Variants in WDR49 observed in about 807,000 individuals in gnomAD.
The protein encoded by WDR49 is cilia- and flagella-associated protein 337.
WDR49 carries 107 observed loss-of-function variants against 119.5 expected under a neutral mutation model. The ratio of observed to expected loss-of-function variants is 0.90; its 90% CI spans 0.77 to 1.05. The LOEUF (loss-of-function observed/expected upper bound fraction) is 1.05. Among genes scored for constraint, WDR49 ranks in the 50% least tolerant of loss-of-function variants. The pLI is 0.00. For synonymous variants in WDR49, 425 were observed against 418.8 expected (o/e 1.01, Z -0.18); for missense variants, 1,240 against 1,220.5 (o/e 1.02, Z -0.24).
intron 8 of WDR49, chr3:167,566,982 G>A: frequency 3.6e-6 from 2 of 549,794 alleles, no homozygotes; most frequent in South Asian, 2.6e-5. Context: ...GGAGGCAGGA[G>A]GTCAGGAGAG....
rs200695837 is a variant in WDR49 at position 167,536,872 on chromosome 3, G to A, written c.1952C>T (p.Thr651Met). ...TGTCAAGTGAAAGTTCAATTTACCCGTAACAAGAGTTTGTGGAGGTAAAAA... is the reference window on the plus strand; with the variant it reads ...TGTCAAGTGAAAGTTCAATTTACCCATAACAAGAGTTTGTGGAGGTAAAAA... ...AAFLPPQTLV[T>M]GSYDGEIVLW... Residue 651 changes from threonine to methionine, a missense_variant and splice_region_variant, in exon 11 of 19, where the codon ACG becomes ATG. Transcript: ENST00000682715. The A allele has an allele frequency of 1.7e-5, 26 of 1,491,142 alleles. No individual in the cohort carries two copies. In the African/African-American group the frequency reaches 2.3e-4, roughly 13 times the overall value. The allele number at this position is 1,491,142 out of a possible 1,614,324, so 92.4% of individuals were successfully genotyped here. A position where few individuals can be genotyped will look rare whatever the true frequency, so the allele number is the denominator to read the frequency against.
intron 16 of WDR49, among the ~76,000 whole-genome samples, chr3:167,506,790 C>T (rs1751786087): frequency 6.6e-6 from 1 of 151,568 alleles, no homozygotes; most frequent in Non-Finnish European, 1.5e-5. Context: ...TGTCTAACTC[C>T]TTAGCCTCTG....
At chr3:167,655,586 T>C (rs1401847289), upstream of WDR49, among the ~76,000 whole-genome samples, 1 of 152,052 alleles carries the variant, frequency 6.6e-6, no homozygotes, top group Non-Finnish European at 1.5e-5. Flanking sequence ...TCATTATTCT[T>C]TCAAAAAAAA....
intron 5 of WDR49, 35 bp from the exon 6 acceptor site, chr3:167,604,503 A>G (rs1214884565): frequency 1.5e-5 from 23 of 1,533,458 alleles, no homozygotes; most frequent in Non-Finnish European, 1.9e-5. Flanking sequence ...AACAATCTTT[A>G]GTTGATTCTT....
intron 10 of WDR49, among the ~76,000 whole-genome samples, chr3:167,545,857 T>C (rs773834245): frequency 6.7e-5 from 10 of 149,572 alleles, no homozygotes; most frequent in Non-Finnish European, 1.3e-4. Flanking sequence ...CCCAAAACTA[T>C]TGAAATAAAA....
chr3:167,560,782 A>G (rs990462521), intron 8 of WDR49, among the ~76,000 whole-genome samples: 4 of 128,032 alleles, frequency 3.1e-5, no homozygotes, highest in African/African-American at 9.3e-5. Context: ...TTGATAGATT[A>G]CTAAAAAAAA....
At chr3:167,513,177 G>GA (rs1752053831) in intron 16 of WDR49, among the ~76,000 whole-genome samples, 2 of 151,982 alleles carry the variant, frequency 1.3e-5, no homozygotes, top group Non-Finnish European at 1.5e-5. Flanking sequence ...TAACATGAAG[G>GA]AAAAAAATTA....
intron 5 of WDR49, among the ~76,000 whole-genome samples, chr3:167,610,815 C>T (rs1429495818): frequency 6.6e-6 from 1 of 152,190 alleles, no homozygotes; most frequent in Non-Finnish European, 1.5e-5. Context: ...GTCACTCCAC[C>T]CCCAGCTTTA....
At position 167,491,749 on chromosome 3, in the gene WDR49, T is replaced by A. The variant is rs564176619; in HGVS notation, c.3031+8404A>T. Among the ~76,000 whole-genome samples the A allele has an allele frequency of 1.4e-4, 22 of 152,290 alleles. No homozygotes were observed. In the East Asian group the frequency reaches 4.3e-3, roughly 29 times the overall value. On this transcript the variant is annotated intron_variant, in intron 18 of 18. Coordinates refer to ENST00000682715, the MANE Select transcript of WDR49 (RefSeq NM_001366157.1). ...AACCTGACTCAGAGGCAGTTCTAAG[T>A]AGCTTCCAGGATTTTGAATAAGGCA...
Position 167,640,090 on chromosome 3 carries a change from G to A in WDR49, c.166-12798C>T, listed in dbSNP as rs555608391. ...CTCCTAACTCACAAGGAAAAGGAAC[G>A]AAAGAAAGAGAATGAAAAGGGGGAG... On this transcript the variant is annotated intron_variant, in intron 2 of 18. Coordinates refer to ENST00000682715, the MANE Select transcript of WDR49 (RefSeq NM_001366157.1). 2.2e-4 allele frequency among the ~76,000 whole-genome samples: 33 copies of A among 151,846 alleles called. No homozygotes were observed. In the South Asian group the frequency reaches 5.4e-3, roughly 25 times the overall value.
intron 7 of WDR49, among the ~76,000 whole-genome samples, chr3:167,596,921 T>C (rs1715491286): frequency 6.8e-6 from 1 of 148,028 alleles, no homozygotes; most frequent in African/African-American, 2.5e-5. Context: ...TGCCATACTT[T>C]ACAATTTTCA....
intron 2 of WDR49, among the ~76,000 whole-genome samples, chr3:167,638,811 A>G (rs1372481283): frequency 5.3e-5 from 8 of 151,660 alleles, no homozygotes; most frequent in Non-Finnish European, 1.2e-4. Flanking sequence ...GAATAAAGTT[A>G]AAGTTTTGTA....
intron 18 of WDR49, among the ~76,000 whole-genome samples, chr3:167,482,896 T>C (rs1750777375): frequency 1.3e-5 from 2 of 152,156 alleles, no homozygotes; most frequent in Admixed American, 1.3e-4. Context: ...ACCTTGTTTA[T>C]GATAAATCAG....
At chr3:167,502,269 C>T (rs1435191677) in intron 17 of WDR49, among the ~76,000 whole-genome samples, 1 of 152,158 alleles carries the variant, frequency 6.6e-6, no homozygotes, top group African/African-American at 2.4e-5. Context: ...CCTGAACAGC[C>T]TGCAGAACCG....
intron 18 of WDR49, among the ~76,000 whole-genome samples, chr3:167,488,906 G>A (rs1751023501): frequency 6.6e-6 from 1 of 152,094 alleles, no homozygotes; most frequent in Non-Finnish European, 1.5e-5. Flanking sequence ...TTTGTTCCCA[G>A]TGGTTTTATA....
At chr3:167,636,343 A>G (rs1183151768) in intron 2 of WDR49, among the ~76,000 whole-genome samples, 1 of 151,422 alleles carries the variant, frequency 6.6e-6, no homozygotes, top group Non-Finnish European at 1.5e-5. Flanking sequence ...ATACGTATAT[A>G]TATGTATATA....
chr3:167,489,245 T>C (rs1306807214), intron 18 of WDR49, among the ~76,000 whole-genome samples: 1 of 152,098 alleles, frequency 6.6e-6, no homozygotes, highest in Admixed American at 6.6e-5. Context: ...TGTATATTTG[T>C]TGAATATATG....
At chr3:167,534,780 T>C (rs1449858820) in intron 11 of WDR49, among the ~76,000 whole-genome samples, 2 of 152,198 alleles carry the variant, frequency 1.3e-5, no homozygotes, top group South Asian at 2.1e-4. Flanking sequence ...CTCTTTAATA[T>C]GCCACATCAA....
rs370795748 is a variant in WDR49 at position 167,480,478 on chromosome 3, A to C, written c.3032-1482T>G. Among the ~76,000 whole-genome samples the C allele has an allele frequency of 1.1e-4, 17 of 152,258 alleles. No individual in the cohort carries two copies. The East Asian group carries it at 2.1e-3, about 19-fold the overall frequency. On this transcript the variant is annotated intron_variant, in intron 18 of 18. Transcript: ENST00000682715. ...GCATCTTTATATATTTGGATTAAAC[A>C]CAAAACGAAACAAAAACTTTCCACT... is the stretch of plus-strand genomic sequence containing the variant.
Sources: allele counts gnomAD v4.1 joint callset (sites outside exome capture counted in the v4.1 genomes callset), GRCh38; gene constraint gnomAD v4.1.1; transcripts MANE v1.5; gene names NCBI Gene and HGNC (gene_info 2026-07-23, HGNC 2026-07-21).